Variants in PLD5 observed in about 807,000 individuals in gnomAD.
The protein encoded by PLD5 is phospholipase D family member 5.
Under a neutral mutation model 61.1 loss-of-function variants are expected in PLD5, and 36 were observed. The ratio of observed to expected loss-of-function variants is 0.59; its 90% CI spans 0.45 to 0.78. The LOEUF is 0.78. PLD5 is among the 30% of genes least tolerant of loss of function. The pLI is 0.00. For synonymous variants in PLD5, 243 were observed against 242.8 expected, an observed-to-expected ratio of 1.00 and a Z score of -0.01; for missense variants, 515 against 644.4, an observed-to-expected ratio of 0.80 and a Z score of 2.17.
chr1:242,448,145 G>A (rs912335055), intron 1 of PLD5, among the ~76,000 whole-genome samples: 13 of 152,208 alleles, frequency 8.5e-5, no homozygotes, highest in Admixed American at 7.2e-4. Flanking sequence ...AAAGGTACCA[G>A]GTGTCACCTA....
At chr1:242,284,119 C>CTTTTTT (rs565165218) in intron 3 of PLD5, among the ~76,000 whole-genome samples, 7 of 75,946 alleles carry the variant, frequency 9.2e-5, no homozygotes, top group African/African-American at 1.7e-4. Flanking sequence ...TTTCTTTTTC[C>CTTTTTT]TTTTTTTTTT....
chr1:242,379,592 C>G (rs1662166512), intron 1 of PLD5, among the ~76,000 whole-genome samples: 2 of 152,024 alleles, frequency 1.3e-5, no homozygotes, highest in Admixed American at 1.3e-4. Context: ...CAGCAGAGCC[C>G]TCTTCATTGC....
chr1:242,529,122 G>A (rs113530077), upstream of PLD5, among the ~76,000 whole-genome samples: 840 of 152,252 alleles, frequency 5.5e-3, 8 homozygotes, highest in African/African-American at 0.02. Context: ...GATTATTTCT[G>A]TAGAAACAAT....
chr1:242,439,828 GA>G (rs1481042349), intron 1 of PLD5, among the ~76,000 whole-genome samples: 1 of 152,130 alleles, frequency 6.6e-6, no homozygotes, highest in Non-Finnish European at 1.5e-5. Context: ...ATAAATGTGT[GA>G]GAAGGAAACG....
At chr1:242,171,458 C>T (rs561898917) in intron 5 of PLD5, among the ~76,000 whole-genome samples, 252 of 152,204 alleles carry the variant, frequency 1.7e-3, no homozygotes, top group African/African-American at 5.7e-3. Context: ...TAAAGACCAT[C>T]GACACTAGGA....
intron 5 of PLD5, among the ~76,000 whole-genome samples, chr1:242,216,959 T>C (rs1010417912): frequency 1.3e-5 from 2 of 152,238 alleles, no homozygotes; most frequent in African/African-American, 4.8e-5. Context: ...AAATCAACTC[T>C]GCCTGTGCTC....
At chr1:242,470,790 A>G (rs1258670373) in intron 1 of PLD5, among the ~76,000 whole-genome samples, 1 of 152,224 alleles carries the variant, frequency 6.6e-6, no homozygotes, top group African/African-American at 2.4e-5. Context: ...TTACCCAACG[A>G]GTAAAAACTT....
intron 5 of PLD5, among the ~76,000 whole-genome samples, chr1:242,161,892 G>A (rs1665865042): frequency 6.6e-6 from 1 of 152,164 alleles, no homozygotes; most frequent in Admixed American, 6.5e-5. Flanking sequence ...AGGGGAAGGA[G>A]AGATTCCTAC....
chr1:242,436,542 T>A (rs188340509), intron 1 of PLD5, among the ~76,000 whole-genome samples: 1 of 152,144 alleles, frequency 6.6e-6, no homozygotes, highest in African/African-American at 2.4e-5. Context: ...ATAGCTCAAA[T>A]CCACAGACCC....
intron 2 of PLD5, among the ~76,000 whole-genome samples, chr1:242,312,690 G>A (rs769488711): frequency 6.6e-6 from 1 of 152,178 alleles, no homozygotes; most frequent in Non-Finnish European, 1.5e-5. Flanking sequence ...CTGTCATACA[G>A]GGTAGAACAT....
At chr1:242,245,280 C>T (rs1432327573) in intron 4 of PLD5, among the ~76,000 whole-genome samples, 1 of 152,218 alleles carries the variant, frequency 6.6e-6, no homozygotes, top group Admixed American at 6.5e-5. Context: ...CCTTCCCAAA[C>T]TGAAGCATGA....
At chr1:242,332,368 G>T (rs1659237368) in intron 2 of PLD5, among the ~76,000 whole-genome samples, 1 of 152,144 alleles carries the variant, frequency 6.6e-6, no homozygotes, top group African/African-American at 2.4e-5. Context: ...TGTCTTCATA[G>T]AATGATTTAT....
intron 2 of PLD5, among the ~76,000 whole-genome samples, chr1:242,328,590 T>C (rs1658973303): frequency 6.6e-6 from 1 of 152,208 alleles, no homozygotes; most frequent in Admixed American, 6.5e-5. Flanking sequence ...TATGTGGCCA[T>C]CCTTAAAACA....
Position 242,256,436 on chromosome 1 carries a change from G to A in PLD5, c.607+8901C>T, listed in dbSNP as rs560740064. 5.3e-5 allele frequency among the ~76,000 whole-genome samples: 8 copies of A among 152,322 alleles called. No individual in the cohort carries two copies. In the South Asian group the frequency reaches 8.3e-4, roughly 16 times the overall value. ...ATTCCCACTGTGGCAGTATTAAGTG[G>A]TGGGGTCTTTGGAAAGTGACTGAGT... is the stretch of plus-strand genomic sequence containing the variant. On this transcript the variant is annotated intron_variant, in intron 4 of 9. Transcript: ENST00000536534. This position sits in a 1 kb window ranked among gnomAD's most constrained non-coding sequence, Gnocchi z 5.7.
intron 5 of PLD5, among the ~76,000 whole-genome samples, chr1:242,146,158 G>A (rs1664529702): frequency 6.6e-6 from 1 of 152,134 alleles, no homozygotes; most frequent in Non-Finnish European, 1.5e-5. Context: ...TAAAGGTGAA[G>A]CCAAGAAGGG....
At chr1:242,240,315 GTTTGA>G (rs1405543844) in intron 4 of PLD5, among the ~76,000 whole-genome samples, 1 of 152,128 alleles carries the variant, frequency 6.6e-6, no homozygotes, top group African/African-American at 2.4e-5. Context: ...TGTCACTACT[GTTTGA>G]TTTAATTATC....
chr1:242,383,010 T>G (rs1413825382), intron 1 of PLD5, among the ~76,000 whole-genome samples: 1 of 152,176 alleles, frequency 6.6e-6, no homozygotes, highest in Non-Finnish European at 1.5e-5. Context: ...GAATTTTGAT[T>G]TGTGGTAGAA....
chr1:242,263,032 C>T (rs1574631634), intron 4 of PLD5, among the ~76,000 whole-genome samples: 2 of 152,092 alleles, frequency 1.3e-5, no homozygotes, highest in African/African-American at 4.8e-5. Context: ...ATCTTTCTGA[C>T]TTCTGAGTCA....
At chr1:242,514,234 T>C (rs963229854) in intron 1 of PLD5, among the ~76,000 whole-genome samples, 4 of 152,356 alleles carry the variant, frequency 2.6e-5, no homozygotes, top group Non-Finnish European at 4.4e-5. Flanking sequence ...TCCCCAGATA[T>C]ACTTGTTAAG....
Sources: allele counts gnomAD v4.1 joint callset (sites outside exome capture counted in the v4.1 genomes callset), GRCh38; gene constraint gnomAD v4.1.1; non-coding constraint Gnocchi (gnomAD v3.1); transcripts MANE v1.5; gene names NCBI Gene and HGNC (gene_info 2026-07-23, HGNC 2026-07-21).